Variants in FNDC3B observed in about 807,000 individuals in gnomAD.
FNDC3B encodes the protein fibronectin type III domain-containing protein 3B.
Under a neutral mutation model 151.5 loss-of-function variants are expected in FNDC3B, and 12 were observed. The observed-to-expected ratio is 0.08, with a 90% CI of 0.05 to 0.13. The LOEUF is 0.13. Ranked by LOEUF, FNDC3B falls within the 10% of genes least tolerant of loss-of-function variation. The probability of loss-of-function intolerance (pLI) is 1.00; values close to 1 mark genes in which losing one functional copy is unlikely to be tolerated. For missense variants in FNDC3B, 1,214 were observed against 1,505.3 expected, an observed-to-expected ratio of 0.81 and a Z score of 3.20; for synonymous variants, 528 against 549.0, an observed-to-expected ratio of 0.96 and a Z score of 0.54.
intron 3 of FNDC3B, among the ~76,000 whole-genome samples, chr3:172,156,103 G>A (rs894730224): frequency 6.6e-6 from 1 of 152,050 alleles, no homozygotes; most frequent in Non-Finnish European, 1.5e-5. Flanking sequence ...TTTGTGTGAT[G>A]GTAATGAGAT....
In FNDC3B at chr3:172,296,339, G is replaced by A. The variant is rs149975765; in HGVS notation, c.1001+825G>A. Among the ~76,000 whole-genome samples the A allele has an allele frequency of 3.6e-3, 542 of 152,204 alleles. 4 individuals carry two copies. Among genetic ancestry groups the A allele is most frequent in the African/African-American group, 0.01 (435 of 41,510 alleles). ...CCTGCTGCATCAGTGCCACAGATGC[G>A]TATCTCCCCTTTCCTGTTCCTAATT... On this transcript the variant is annotated intron_variant, in intron 8 of 25. Coordinates refer to ENST00000415807, the MANE Select transcript of FNDC3B (RefSeq NM_022763.4).
intron 1 of FNDC3B, among the ~76,000 whole-genome samples, chr3:172,062,522 A>T (rs1717261883): frequency 6.6e-6 from 1 of 152,064 alleles, no homozygotes; most frequent in Non-Finnish European, 1.5e-5. Context: ...TGTGTTAGCC[A>T]AGCTACCTGT....
chr3:172,196,246 G>A (rs1298927762), intron 3 of FNDC3B, among the ~76,000 whole-genome samples: 1 of 151,912 alleles, frequency 6.6e-6, no homozygotes, highest in East Asian at 1.9e-4. Context: ...GGAATTCAAT[G>A]GTGTAATCAT....
chr3:172,305,432 A>G lies in FNDC3B; in HGVS notation c.1062-1931A>G, dbSNP rs58795368. Among the ~76,000 whole-genome samples, 11 of 152,328 alleles carry G rather than the reference A, an allele frequency of 7.2e-5. No individual in the cohort carries two copies. The East Asian group carries it at 2.1e-3, about 29-fold the overall frequency. On this transcript the variant is annotated intron_variant, in intron 9 of 25. Coordinates refer to ENST00000415807, the MANE Select transcript of FNDC3B (RefSeq NM_022763.4). ...ATTTGTTTGTCCTGTAGAGTCTTCC[A>G]CAAGTATGAGTTTGGCTGACTGCAT...
chr3:172,239,024 T>C (rs896360479), intron 4 of FNDC3B, among the ~76,000 whole-genome samples: 1 of 151,494 alleles, frequency 6.6e-6, no homozygotes, highest in Non-Finnish European at 1.5e-5. Flanking sequence ...TCTTGGCAGA[T>C]ACCAAATCTA....
At chr3:172,353,709 G>C (rs547135550) in intron 22 of FNDC3B, among the ~76,000 whole-genome samples, 2 of 152,176 alleles carry the variant, frequency 1.3e-5, no homozygotes, top group Non-Finnish European at 2.9e-5. Flanking sequence ...GTTTAGTAGT[G>C]TAGGAACTAT....
chr3:172,091,909 T>TGTGTGTGTGTGTGTGTGTGTGTG (rs71178259), intron 1 of FNDC3B, among the ~76,000 whole-genome samples: 1 of 148,406 alleles, frequency 6.7e-6, no homozygotes, highest in African/African-American at 2.5e-5. Flanking sequence ...TGTGTGTGTG[T>TGTGTGTGTGTGTGTGTGTGTGTG]TAGGGAGGTG....
intron 3 of FNDC3B, among the ~76,000 whole-genome samples, chr3:172,209,528 G>C (rs865783183): frequency 6.6e-6 from 1 of 152,296 alleles, no homozygotes; most frequent in South Asian, 2.1e-4. Flanking sequence ...GCTGAGTCTG[G>C]GGGTTTTTAT....
chr3:172,133,496 G>A lies in FNDC3B; in HGVS notation c.137G>A (p.Gly46Asp), dbSNP rs1721210768. 6.2e-7 allele frequency: 1 copy of A among 1,613,458 alleles called. No homozygotes were observed. The highest frequency in any genetic ancestry group is 8.5e-7 in the Non-Finnish European group (1 of 1,179,618). ...QQVILVQVNP[G>D]ETFTIRAEDG... ...GTTATTCTCGTTCAAGTTAATCCAG[G>A]TGAGACTTTCACAATAAGAGCAGAG... Residue 46 changes from glycine (G) to aspartate (D), a missense_variant, in exon 3 of 26, where the codon GGT (glycine) becomes GAT (aspartate). By Grantham distance (94) the Gly-to-Asp change is moderately conservative (BLOSUM62 -1). Transcript: ENST00000415807.
Position 172,112,456 on chromosome 3 carries a change from C to CCT in FNDC3B, c.-23_-22insTC. The CCT allele has an allele frequency of 6.5e-7, 1 of 1,544,812 alleles. No individual in the cohort carries two copies. Among genetic ancestry groups the CCT allele is most frequent in the Non-Finnish European group, 9.0e-7 (1 of 1,116,746 alleles). On this transcript the variant is annotated 5_prime_UTR_variant, in exon 2 of 26. Transcript: ENST00000415807. Reference sequence around the variant, plus strand: ...AAAGCGGCGGTTCTCTTGCAGGAAGCCAGTTGAGGGAAGTTCTCCATGAAT... The same window carrying CCT: ...AAAGCGGCGGTTCTCTTGCAGGAAGCCTCAGTTGAGGGAAGTTCTCCATGAAT...
intron 1 of FNDC3B, among the ~76,000 whole-genome samples, chr3:172,075,172 C>T (rs1351782543): frequency 6.6e-6 from 1 of 151,208 alleles, no homozygotes; most frequent in Non-Finnish European, 1.5e-5. Context: ...ATTTATAAAA[C>T]TGACTGTCCA....
chr3:172,148,275 C>A (rs1010672104), intron 3 of FNDC3B, among the ~76,000 whole-genome samples: 3 of 151,994 alleles, frequency 2.0e-5, no homozygotes, highest in Non-Finnish European at 4.4e-5. Flanking sequence ...GAAAAATATT[C>A]TAAACATCTA....
intron 7 of FNDC3B, among the ~76,000 whole-genome samples, chr3:172,292,696 T>A (rs1276178013): frequency 6.6e-6 from 1 of 152,206 alleles, no homozygotes; most frequent in Non-Finnish European, 1.5e-5. Context: ...TGTTTTCCAG[T>A]ACCTAATGAG....
chr3:172,103,924 T>C (rs1719500184), intron 1 of FNDC3B, among the ~76,000 whole-genome samples: 2 of 152,206 alleles, frequency 1.3e-5, no homozygotes, highest in Admixed American at 1.3e-4. Context: ...TTTTTCTGCA[T>C]GAACAATTAT....
Position 172,401,478 on chromosome 3 carries a change from G to A in FNDC3B, c.*4003G>A, listed in dbSNP as rs1736573119. ...TTTAATCCTTTATCAGAGTCTCTGT[G>A]GATAATGTACCTTGTTGCCTAATAC... On this transcript the variant is annotated 3_prime_UTR_variant, in exon 26 of 26. Transcript: ENST00000415807. 1 of 152,154 alleles carries A rather than the reference G, an allele frequency of 6.6e-6. No individual in the cohort carries two copies. The highest frequency in any genetic ancestry group is 2.4e-5 in the African/African-American group (1 of 41,414). 9.4% of individuals were successfully genotyped at this position (152,154 alleles called of 1,614,324 possible).
intron 22 of FNDC3B, among the ~76,000 whole-genome samples, chr3:172,357,987 T>C (rs1226719798): frequency 1.3e-5 from 2 of 152,234 alleles, no homozygotes; most frequent in Non-Finnish European, 2.9e-5. Flanking sequence ...ACGGTCAATG[T>C]TGAACTGAAA....
At chr3:172,361,281 G>C (rs1452601545) in intron 22 of FNDC3B, among the ~76,000 whole-genome samples, 1 of 152,128 alleles carries the variant, frequency 6.6e-6, no homozygotes, top group African/African-American at 2.4e-5. Flanking sequence ...CACATGGCCA[G>C]GCTGCAAATT....
At chr3:172,368,060 T>C (rs1387303736) in intron 23 of FNDC3B, among the ~76,000 whole-genome samples, 2 of 152,098 alleles carry the variant, frequency 1.3e-5, no homozygotes, top group East Asian at 1.9e-4. Context: ...AGGCAACTAA[T>C]AAAAATGGTC....
intron 11 of FNDC3B, among the ~76,000 whole-genome samples, chr3:172,315,254 A>G (rs183347104): frequency 6.6e-6 from 1 of 152,144 alleles, no homozygotes; most frequent in Non-Finnish European, 1.5e-5. Context: ...GTGGGCGCCT[A>G]TAGTCCCAGC....
Sources: gnomAD v4.1 joint callset for allele counts (sites outside exome capture counted in the v4.1 genomes callset) on GRCh38, gnomAD v4.1.1 for gene constraint, MANE v1.5 for transcripts, NCBI Gene and HGNC (gene_info 2026-07-23, HGNC 2026-07-21) for gene names.